Variants in DCAF5 observed in about 807,000 individuals in gnomAD.
DCAF5 encodes DDB1 and CUL4 associated factor 5.
DCAF5 carries 9 observed loss-of-function variants against 80.7 expected under a neutral mutation model. That is an observed-to-expected ratio of 0.11 (90% confidence interval 0.07 to 0.19). The LOEUF is 0.19. Ranked by LOEUF, DCAF5 falls within the 10% of genes least tolerant of loss-of-function variation. The pLI, the probability that DCAF5 is intolerant of heterozygous loss-of-function variation, is 1.00. For synonymous variants in DCAF5, 433 were observed against 461.9 expected, an observed-to-expected ratio of 0.94 and a Z score of 0.80; for missense variants, 842 against 1,205.7, an observed-to-expected ratio of 0.70 and a Z score of 4.47.
rs993256471 is a variant in DCAF5, at chr14:69,091,735, T to C, written c.818A>G (p.Asn273Ser). The C allele has an allele frequency of 4.3e-6, 7 of 1,614,026 alleles. No individual in the cohort carries two copies. The highest frequency in any genetic ancestry group is 2.7e-5 in the African/African-American group (2 of 74,910). The change falls in exon 6 of 9, where the codon AAT (asparagine) becomes AGT (serine). Residue 273 changes from asparagine to serine, a missense_variant. Coordinates refer to ENST00000341516, the MANE Select transcript of DCAF5 (RefSeq NM_003861.3). Reference sequence around the variant, plus strand: ...GGTGCATGAGTTGAAGTAACCCTGATTGTCAAACTGAAACACAGGCAGGCG... The same window carrying C: ...GGTGCATGAGTTGAAGTAACCCTGACTGTCAAACTGAAACACAGGCAGGCG... ...HSRLPVFQFD[N>S]QGYFNSCTMK...
intron 2 of DCAF5, among the ~76,000 whole-genome samples, chr14:69,120,942 A>G (rs747302319): frequency 9.9e-5 from 15 of 152,230 alleles, no homozygotes; most frequent in Non-Finnish European, 1.5e-4. Context: ...GTGAAAGTAC[A>G]TGGAGAAGGA....
At chr14:69,080,186 A>G (rs756097863) in intron 6 of DCAF5, among the ~76,000 whole-genome samples, 3 of 152,304 alleles carry the variant, frequency 2.0e-5, no homozygotes, top group South Asian at 4.1e-4. Context: ...ATTTACTATC[A>G]TAAGAGCAGC....
chr14:69,119,264 G>A (rs558114074), intron 2 of DCAF5, 34 bp from the exon 3 acceptor site: 25 of 1,608,206 alleles, frequency 1.6e-5, no homozygotes, highest in East Asian at 6.7e-5. Flanking sequence ...CTGATCATTC[G>A]TGCAAGGTGG....
intron 5 of DCAF5, among the ~76,000 whole-genome samples, chr14:69,109,963 T>C (rs1277787693): frequency 2.0e-5 from 3 of 152,214 alleles, no homozygotes; most frequent in Admixed American, 6.5e-5. Flanking sequence ...AGTTGGTCCA[T>C]ACCCTTGTTA....
intron 5 of DCAF5, among the ~76,000 whole-genome samples, chr14:69,104,813 C>T (rs2040077979): frequency 1.3e-5 from 2 of 151,404 alleles, no homozygotes; most frequent in South Asian, 2.1e-4. Flanking sequence ...GCCAAGATAG[C>T]GCCATTGCAC....
In DCAF5 at chr14:69,152,103, C is replaced by T. The variant is rs2041725273; in HGVS notation, c.214+662G>A. On this transcript the variant is annotated intron_variant, in intron 1 of 8. Coordinates refer to ENST00000341516, the MANE Select transcript of DCAF5 (RefSeq NM_003861.3). The surrounding 1 kb of genome is among the most constrained non-coding windows in gnomAD (Gnocchi z 4.1). ...CCTTTAGCCTCCACAGCCCTCGCCA[C>T]TCTCGAAACTGTATTAAAAACAAGA... Among the ~76,000 whole-genome samples, 1 of 152,186 alleles carries T rather than the reference C, an allele frequency of 6.6e-6. No homozygotes were observed. The highest frequency in any genetic ancestry group is 1.5e-5 in the Non-Finnish European group (1 of 68,030).
chr14:69,145,513 TA>T (rs1026177331), intron 1 of DCAF5, among the ~76,000 whole-genome samples: 9 of 149,130 alleles, frequency 6.0e-5, no homozygotes, highest in East Asian at 1.9e-4. Flanking sequence ...TAACTGAAAA[TA>T]AAAAAAAAAA....
chr14:69,125,139 C>T (rs768900348), intron 1 of DCAF5, among the ~76,000 whole-genome samples: 24 of 152,118 alleles, frequency 1.6e-4, no homozygotes, highest in East Asian at 3.8e-4. Context: ...TCTATAGCCC[C>T]GACTCTTAAC....
At chr14:69,095,565 A>AC (rs398025537) in intron 5 of DCAF5, among the ~76,000 whole-genome samples, 3 of 151,786 alleles carry the variant, frequency 2.0e-5, no homozygotes, top group Non-Finnish European at 2.9e-5. Context: ...ACACACACAC[A>AC]AAAACCACTC....
intron 7 of DCAF5, among the ~76,000 whole-genome samples, chr14:69,071,923 CAGG>C (rs1189094772): frequency 6.6e-6 from 1 of 152,124 alleles, no homozygotes; most frequent in Non-Finnish European, 1.5e-5. Flanking sequence ...GGGCTGAAAA[CAGG>C]AGGAGTTAAA....
In DCAF5 at chr14:69,062,380, T is replaced by C; in HGVS notation, c.1074+4A>G. ...TAAAAGGACAGAAGGGGAAGGTGCCTCACCTTGATAATCTTTTCTACACCA... is the reference window on the plus strand; with the variant it reads ...TAAAAGGACAGAAGGGGAAGGTGCCCCACCTTGATAATCTTTTCTACACCA... On this transcript the variant is annotated splice_donor_region_variant and intron_variant, in intron 8 of 8. Transcript: ENST00000341516. The C allele has an allele frequency of 6.2e-7, 1 of 1,613,376 alleles. No homozygotes were observed. The highest frequency in any genetic ancestry group is 8.5e-7 in the Non-Finnish European group (1 of 1,179,536).
chr14:69,071,941 T>C (rs956254907), intron 7 of DCAF5, among the ~76,000 whole-genome samples: 1 of 152,210 alleles, frequency 6.6e-6, no homozygotes, highest in East Asian at 1.9e-4. Flanking sequence ...GTTAAAACCA[T>C]GCACATGGCC....
chr14:69,099,301 A>AC (rs2039868395), intron 5 of DCAF5, among the ~76,000 whole-genome samples: 6 of 112,506 alleles, frequency 5.3e-5, no homozygotes, highest in Admixed American at 1.8e-4. Context: ...CACACACACA[A>AC]CTAACAAAGC....
At chr14:69,105,085 C>T in intron 5 of DCAF5, among the ~76,000 whole-genome samples, 1 of 151,498 alleles carries the variant, frequency 6.6e-6, no homozygotes, top group Non-Finnish European at 1.5e-5. Context: ...GGTAGTTCCT[C>T]AAAAAGTTTA....
intron 8 of DCAF5, among the ~76,000 whole-genome samples, chr14:69,058,868 T>A (rs1594926344): frequency 1.6e-5 from 2 of 125,500 alleles, no homozygotes; most frequent in Admixed American, 9.0e-5. Context: ...CACAGTAAGA[T>A]CCTGTCTCAA....
At chr14:69,119,146 A>G (rs759510274) in intron 3 of DCAF5, 48 bp downstream of exon 3, 3 of 1,593,214 alleles carry the variant, frequency 1.9e-6, no homozygotes, top group South Asian at 1.1e-5. Context: ...GCCTCTTCAT[A>G]TATGAAAAAC....
chr14:69,053,998 T>C lies in DCAF5; in HGVS notation c.2688A>G (p.Gly896=). 6.2e-7 allele frequency: 1 copy of C among 1,612,798 alleles called. No homozygotes were observed. The highest frequency in any genetic ancestry group is 8.5e-7 in the Non-Finnish European group (1 of 1,179,004). The change falls in exon 9 of 9, where the codon GGA becomes GGG. Residue 896 remains glycine, a synonymous_variant. Transcript: ENST00000341516. The part of the protein sequence containing the change: ...SEMACETPNA[G]TREDPTDTPA... ...GGGTGTCAGTGGGGTCCTCTCTTGT[T>C]CCAGCATTGGGGGTCTCACAGGCCA...
intron 5 of DCAF5, among the ~76,000 whole-genome samples, chr14:69,114,368 T>G (rs779913970): frequency 6.6e-6 from 1 of 152,160 alleles, no homozygotes; most frequent in Non-Finnish European, 1.5e-5. Context: ...GAATGCCATA[T>G]AGTCATTAAA....
chr14:69,096,100 C>A (rs1360152240), intron 5 of DCAF5, among the ~76,000 whole-genome samples: 1 of 152,128 alleles, frequency 6.6e-6, no homozygotes, highest in Non-Finnish European at 1.5e-5. Flanking sequence ...CTAGAAGATA[C>A]TAGAACTAGG....
Sources: allele counts gnomAD v4.1 joint callset (sites outside exome capture counted in the v4.1 genomes callset), GRCh38; gene constraint gnomAD v4.1.1; non-coding constraint Gnocchi (gnomAD v3.1); transcripts MANE v1.5; gene names NCBI Gene and HGNC (gene_info 2026-07-23, HGNC 2026-07-21).